The following NID1 variants were observed in gnomAD, a reference collection of about 807,000 sequenced individuals.
NID1 encodes nidogen-1.
NID1 carries 76 observed loss-of-function variants against 130.6 expected under a neutral mutation model. The ratio of observed to expected loss-of-function variants is 0.58; its 90% CI spans 0.48 to 0.70. The LOEUF is 0.70. Ranked by LOEUF, NID1 falls within the 30% of genes least tolerant of loss-of-function variation. The probability of loss-of-function intolerance (pLI) is 0.00; values close to 1 mark genes in which losing one functional copy is unlikely to be tolerated. For synonymous variants in NID1, 665 were observed against 675.1 expected, an observed-to-expected ratio of 0.98 and a Z score of 0.23; for missense variants, 1,517 against 1,664.8, an observed-to-expected ratio of 0.91 and a Z score of 1.54.
At chr1:236,053,739 CAT>C (rs1159534275) in intron 1 of NID1, among the ~76,000 whole-genome samples, 19 of 152,292 alleles carry the variant, frequency 1.2e-4, no homozygotes, top group South Asian at 1.2e-3. Context: ...TGGTCTGATA[CAT>C]ATGAGTCTCC....
At chr1:236,010,737 C>G (rs925251918) in intron 12 of NID1, among the ~76,000 whole-genome samples, 4 of 152,226 alleles carry the variant, frequency 2.6e-5, no homozygotes. Context: ...CAAAAACAGA[C>G]AGCCAGATTT....
At chr1:236,044,077 A>C (rs895317270) in intron 3 of NID1, among the ~76,000 whole-genome samples, 10 of 152,188 alleles carry the variant, frequency 6.6e-5, no homozygotes, top group Admixed American at 6.6e-4. Flanking sequence ...GGGGACATAC[A>C]TTACTCAGTG....
chr1:236,037,106 C>T (rs554718561), intron 5 of NID1, among the ~76,000 whole-genome samples: 3 of 152,282 alleles, frequency 2.0e-5, no homozygotes, highest in South Asian at 4.2e-4. Flanking sequence ...TTCTCCTGAC[C>T]ATCTGCAAGC....
chr1:236,034,133 G>A (rs1659177004), intron 5 of NID1, among the ~76,000 whole-genome samples: 1 of 152,050 alleles, frequency 6.6e-6, no homozygotes, highest in African/African-American at 2.4e-5. Flanking sequence ...CTAGAAAAAG[G>A]CATGAGGCTG....
intron 12 of NID1, among the ~76,000 whole-genome samples, chr1:236,004,668 A>G (rs999572798): frequency 2.7e-5 from 4 of 148,690 alleles, no homozygotes; most frequent in Non-Finnish European, 5.9e-5. Flanking sequence ...AGGCTAAGGC[A>G]GGAGAATGGT....
chr1:236,048,566 G>T, intron 2 of NID1, 124 bp downstream of exon 2: 3 of 1,063,724 alleles, frequency 2.8e-6, no homozygotes, highest in Non-Finnish European at 3.9e-6. Context: ...ACTAGATTTT[G>T]CTTTGGATTT....
At chr1:236,021,317 C>T (rs74424634) in intron 9 of NID1, among the ~76,000 whole-genome samples, 2,555 of 152,270 alleles carry the variant, frequency 0.017, 78 homozygotes, top group African/African-American at 0.057. Flanking sequence ...CCCTCCCTAG[C>T]GATACGTTAC....
At chr1:236,024,491 C>T (rs960721282) in intron 8 of NID1, among the ~76,000 whole-genome samples, 6 of 152,204 alleles carry the variant, frequency 3.9e-5, no homozygotes, top group East Asian at 1.9e-4. Context: ...GCTGACATGT[C>T]GTGATAGAGA....
chr1:236,003,151 G>T lies in NID1; in HGVS notation c.2527+8770C>A, dbSNP rs112434402. 6.6e-3 allele frequency among the ~76,000 whole-genome samples: 992 copies of T among 150,040 alleles called. 76 individuals carry two copies. The highest frequency in any genetic ancestry group is 0.016 in the South Asian group (73 of 4,656). The stretch of plus-strand genomic sequence containing the variant: ...GAACGACTGGTAGTTGTCACTCCTA[G>T]TGAACGACTGGTAGTTGTCACTCCT... On this transcript the variant is annotated intron_variant, in intron 12 of 19. Transcript: ENST00000264187.
chr1:235,981,897 A>C, intron 15 of NID1, 115 bp from the exon 16 acceptor site: 1 of 910,480 alleles, frequency 1.1e-6, no homozygotes, highest in Non-Finnish European at 1.6e-6. Flanking sequence ...CACTTTAAGA[A>C]ACCAAATGGG....
rs1657311134 is a variant in NID1 at position 235,977,849 on chromosome 1, A to G, written c.*18T>C. Reference sequence around the variant, plus strand: ...GTTGCTGTGAAATACTTGGAAAGGAAATAAGGCACTCTTGTCTTCATTTCT... The same window carrying G: ...GTTGCTGTGAAATACTTGGAAAGGAGATAAGGCACTCTTGTCTTCATTTCT... On this transcript the variant is annotated 3_prime_UTR_variant, in exon 20 of 20. Transcript: ENST00000264187. 2 of 1,613,030 alleles carry G rather than the reference A, an allele frequency of 1.2e-6. No homozygotes were observed. The highest frequency in any genetic ancestry group is 2.7e-5 in the African/African-American group (2 of 74,866).
At chr1:236,030,722 T>C (rs1223514710) in intron 6 of NID1, among the ~76,000 whole-genome samples, 3 of 152,220 alleles carry the variant, frequency 2.0e-5, no homozygotes, top group African/African-American at 7.2e-5. Flanking sequence ...CTCAGCTTTA[T>C]AGTTAAACAA....
In NID1 at chr1:236,048,767, T is replaced by C. The variant is rs768858123; in HGVS notation, c.448A>G (p.Ser150Gly). 6.2e-7 allele frequency: 1 copy of C among 1,613,758 alleles called. No individual in the cohort carries two copies. The highest frequency in any genetic ancestry group is 8.5e-7 in the Non-Finnish European group (1 of 1,180,022). The change falls in exon 2 of 20, where the codon AGT becomes GGT. Residue 150 changes from serine (S) to glycine (G), a missense_variant. Physicochemically the swap from Ser to Gly is moderately conservative, Grantham distance 56. Coordinates refer to ENST00000264187, the MANE Select transcript of NID1 (RefSeq NM_002508.3). ...TCCCAAGTGACAACCACCGCGCTAC[T>C]AGGCTGGAAAGAGATCTCCGGGAAC... ...RGFPEISFQP[S>G]SAVVVTWESV...
At chr1:235,999,529 G>T (rs563282951) in intron 12 of NID1, among the ~76,000 whole-genome samples, 16 of 152,162 alleles carry the variant, frequency 1.1e-4, no homozygotes, top group Admixed American at 3.9e-4. Context: ...TTCCATTAAA[G>T]GCCTGGTGGA....
chr1:236,045,516 C>T lies in NID1; in HGVS notation c.693G>A (p.Lys231=), dbSNP rs1421309954. The stretch of plus-strand genomic sequence containing the variant: ...CAAATATGTTATAAGCTCCGTTGCT[C>T]TTCCATAAGAATCCCACTGAACCTT... ...FSQGSVGFLW[K]SNGAYNIFAN... is the part of the protein sequence containing the mutation. The change falls in exon 3 of 20, where the codon AAG becomes AAA. Residue 231 remains lysine, a synonymous_variant. Coordinates refer to ENST00000264187, the MANE Select transcript of NID1 (RefSeq NM_002508.3). 1 of 1,614,060 alleles carries T rather than the reference C, an allele frequency of 6.2e-7. No individual in the cohort carries two copies. The highest frequency in any genetic ancestry group is 8.5e-7 in the Non-Finnish European group (1 of 1,180,048).
chr1:236,064,622 C>T (rs1660137617), intron 1 of NID1: 2 of 541,626 alleles, frequency 3.7e-6, no homozygotes, highest in Non-Finnish European at 6.7e-6. Context: ...GGTCACGGCC[C>T]GGGGCGCGCG....
chr1:236,038,880 ACCTATGTTATATAGGTCATATAT>A (rs1234238549), intron 4 of NID1, among the ~76,000 whole-genome samples: 61 of 141,054 alleles, frequency 4.3e-4, no homozygotes, highest in African/African-American at 1.3e-3. Context: ...AATATATATT[ACCTATGTTATATAGGTCATATAT>A]AACATAAATA....
chr1:235,987,146 C>A (rs1657596055), intron 14 of NID1, among the ~76,000 whole-genome samples: 1 of 152,160 alleles, frequency 6.6e-6, no homozygotes, highest in African/African-American at 2.4e-5. Context: ...AGTAAGCCAG[C>A]CTCTCCTCAG....
At chr1:236,064,607 G>T in intron 1 of NID1, 1 of 507,270 alleles carries the variant, frequency 2.0e-6, no homozygotes, top group South Asian at 2.0e-5. Context: ...GTCCATGGGT[G>T]CCGGGGTCAC....
Sources: gnomAD v4.1 joint callset for allele counts (sites outside exome capture counted in the v4.1 genomes callset) on GRCh38, gnomAD v4.1.1 for gene constraint, MANE v1.5 for transcripts, NCBI Gene and HGNC (gene_info 2026-07-23, HGNC 2026-07-21) for gene names.